Variants in L3MBTL3 observed in about 807,000 individuals in gnomAD.
The protein encoded by L3MBTL3 is lethal(3)malignant brain tumor-like protein 3.
L3MBTL3 carries 27 observed loss-of-function variants against 102.3 expected under a neutral mutation model. The observed-to-expected ratio is 0.26, with a 90% CI of 0.19 to 0.36. The LOEUF is 0.36. Among genes scored for constraint, L3MBTL3 ranks in the 10% least tolerant of loss-of-function variants. L3MBTL3 has a pLI of 1.00. For synonymous variants in L3MBTL3, 340 were observed against 320.9 expected (o/e 1.06, Z -0.64); for missense variants, 798 against 955.3 (o/e 0.84, Z 2.17).
chr6:130,093,158 T>C (rs962022242), intron 17 of L3MBTL3, among the ~76,000 whole-genome samples: 4 of 152,212 alleles, frequency 2.6e-5, no homozygotes, highest in African/African-American at 7.2e-5. Context: ...CAAAATTTAT[T>C]GTTTCAATAT....
At chr6:130,129,581 C>CA (rs2114381232) in intron 20 of L3MBTL3, among the ~76,000 whole-genome samples, 1 of 152,264 alleles carries the variant, frequency 6.6e-6, no homozygotes, top group East Asian at 1.9e-4. Flanking sequence ...AACCCGAAAC[C>CA]AAGTGGGGCA....
At chr6:130,137,095 A>G (rs769885211) in intron 22 of L3MBTL3, among the ~76,000 whole-genome samples, 1 of 152,230 alleles carries the variant, frequency 6.6e-6, no homozygotes, top group Admixed American at 6.5e-5. Flanking sequence ...GGAATATAAT[A>G]GACATTCAGT....
intron 3 of L3MBTL3, among the ~76,000 whole-genome samples, chr6:130,043,974 C>T (rs1780582939): frequency 6.6e-6 from 1 of 152,166 alleles, no homozygotes; most frequent in Non-Finnish European, 1.5e-5. Flanking sequence ...TTGAAAAAGC[C>T]AGTTAATCCC....
chr6:130,070,838 G>T, intron 12 of L3MBTL3, 138 bp from the exon 13 acceptor site: 1 of 176,654 alleles, frequency 5.7e-6, no homozygotes, highest in Non-Finnish European at 1.1e-5. Flanking sequence ...ACCCTGCTGT[G>T]AAACTGGCAT....
intron 20 of L3MBTL3, among the ~76,000 whole-genome samples, chr6:130,124,492 C>T (rs1023535399): frequency 3.3e-5 from 5 of 152,170 alleles, no homozygotes; most frequent in African/African-American, 1.2e-4. Context: ...TAAATTCTGC[C>T]TTCTTTTGTG....
At chr6:130,079,093 G>C (rs1419005981) in intron 14 of L3MBTL3, among the ~76,000 whole-genome samples, 42 of 152,258 alleles carry the variant, frequency 2.8e-4, no homozygotes, top group African/African-American at 9.6e-4. Flanking sequence ...CCAGAAAAAT[G>C]GATAAGAGGG....
intron 12 of L3MBTL3, 149 bp downstream of exon 12, chr6:130,068,570 G>A: frequency 1.9e-6 from 1 of 526,610 alleles, no homozygotes; most frequent in East Asian, 2.9e-5. Context: ...TTTAAAATTA[G>A]CTTAAAATCT....
chr6:130,118,509 T>G (rs903938213), intron 19 of L3MBTL3, among the ~76,000 whole-genome samples: 1 of 152,224 alleles, frequency 6.6e-6, no homozygotes, highest in Non-Finnish European at 1.5e-5. Context: ...ATTGACCCCG[T>G]CTTCCACCTT....
intron 18 of L3MBTL3, among the ~76,000 whole-genome samples, chr6:130,103,655 A>C (rs1041885475): frequency 6.6e-6 from 1 of 152,220 alleles, no homozygotes; most frequent in Non-Finnish European, 1.5e-5. Flanking sequence ...TCTGAGATAC[A>C]GCAGTTGCCC....
intron 3 of L3MBTL3, among the ~76,000 whole-genome samples, chr6:130,047,457 A>G (rs9375698): frequency 0.54 from 81,632 of 151,982 alleles, 25,359 homozygotes; most frequent in East Asian, 0.76. Flanking sequence ...TCACTCAGTG[A>G]TGTTTTCTTT....
At chr6:130,063,761 A>T (rs1782061598) in intron 10 of L3MBTL3, among the ~76,000 whole-genome samples, 1 of 152,200 alleles carries the variant, frequency 6.6e-6, no homozygotes, top group Non-Finnish European at 1.5e-5. Context: ...GACACTAAAC[A>T]ACACCTCAGC....
Position 130,120,894 on chromosome 6 carries a change from T to C in L3MBTL3, c.1902T>C (p.Asp634=), listed in dbSNP as rs779112971. 2.5e-6 allele frequency: 4 copies of C among 1,611,606 alleles called. No individual in the cohort carries two copies. The South Asian group carries it at 3.3e-5, about 13-fold the overall frequency. ...SSPEIRDQHA[D]DVKEDFEERT... ...TTTTTCTTAGAGACCAGCATGCTGA[T>C]GATGTCAAAGAAGACTTTGAAGAGA... is the stretch of plus-strand genomic sequence containing the variant. The change falls in exon 20 of 23, where the codon GAT becomes GAC. Residue 634 remains aspartate, a synonymous_variant. Coordinates refer to ENST00000361794, the MANE Select transcript of L3MBTL3 (RefSeq NM_032438.4).
intron 13 of L3MBTL3, 78 bp from the exon 14 acceptor site, chr6:130,078,480 T>G: frequency 1.0e-6 from 1 of 954,026 alleles, no homozygotes; most frequent in Non-Finnish European, 1.7e-6. Flanking sequence ...GCTCATGATC[T>G]CTAGTTTTCT....
intron 2 of L3MBTL3, among the ~76,000 whole-genome samples, chr6:130,027,003 A>G (rs1411057433): frequency 6.6e-6 from 1 of 152,174 alleles, no homozygotes; most frequent in Non-Finnish European, 1.5e-5. Context: ...AACAGGGAAT[A>G]TGACTAAGAT....
At chr6:130,049,943 C>T (rs1780988434) in intron 5 of L3MBTL3, 113 bp downstream of exon 5, 4 of 1,317,296 alleles carry the variant, frequency 3.0e-6, no homozygotes, top group Non-Finnish European at 4.1e-6. Context: ...ATAGCACCAT[C>T]CACCCAGTGG....
chr6:130,051,467 C>T, intron 6 of L3MBTL3, 59 bp downstream of exon 6: 1 of 1,445,432 alleles, frequency 6.9e-7, no homozygotes, highest in Admixed American at 1.8e-5. Context: ...GTCATGGTGC[C>T]TGAGAATATA....
intron 2 of L3MBTL3, 69 bp downstream of exon 2, chr6:130,022,374 C>G (rs1779070480): frequency 6.6e-6 from 1 of 152,164 alleles, no homozygotes; most frequent in African/African-American, 2.4e-5. Context: ...ATTTGGAGAT[C>G]AGGAAGGAGA....
intron 18 of L3MBTL3, among the ~76,000 whole-genome samples, chr6:130,094,809 G>A (rs927594244): frequency 1.3e-5 from 2 of 152,162 alleles, no homozygotes; most frequent in African/African-American, 4.8e-5. Context: ...AGTCAAACAT[G>A]AGAGTGCATT....
intron 3 of L3MBTL3, among the ~76,000 whole-genome samples, 187 bp from the exon 4 acceptor site, chr6:130,049,095 T>C (rs1347809737): frequency 2.6e-5 from 4 of 152,130 alleles, no homozygotes; most frequent in Admixed American, 6.5e-5. Context: ...TTCTCCTTCC[T>C]TGAATTCCAA....
Sources: allele counts gnomAD v4.1 joint callset (sites outside exome capture counted in the v4.1 genomes callset), GRCh38; gene constraint gnomAD v4.1.1; transcripts MANE v1.5; gene names NCBI Gene and HGNC (gene_info 2026-07-23, HGNC 2026-07-21).